The following CPS1 variants were observed in gnomAD, a reference collection of about 807,000 sequenced individuals.
CPS1 encodes carbamoyl-phosphate synthase 1.
Under a neutral mutation model 174.6 loss-of-function variants are expected in CPS1, and 109 were observed. That is an observed-to-expected ratio of 0.62 (90% CI 0.53 to 0.73). The LOEUF is 0.73. CPS1 is among the 30% of genes least tolerant of loss of function. CPS1 has a pLI of 0.00. For synonymous variants in CPS1, 637 were observed against 632.0 expected (o/e 1.01, Z -0.12); for missense variants, 1,689 against 1,821.9 (o/e 0.93, Z 1.33).
intron 31 of CPS1, 35 bp downstream of exon 31, chr2:210,658,723 C>T (rs1700807952): frequency 6.9e-7 from 1 of 1,443,038 alleles, no homozygotes; most frequent in Non-Finnish European, 9.8e-7. Flanking sequence ...AGGACACCAC[C>T]ACTGTGTTAC....
intron 1 of CPS1, among the ~76,000 whole-genome samples, chr2:210,541,752 G>C (rs1002034296): frequency 6.6e-6 from 1 of 152,132 alleles, no homozygotes; most frequent in African/African-American, 2.4e-5. Flanking sequence ...ATTTCACTTA[G>C]TACACTTTAC....
At chr2:210,613,388 T>C (rs535654168) in intron 20 of CPS1, among the ~76,000 whole-genome samples, 1 of 152,082 alleles carries the variant, frequency 6.6e-6, no homozygotes, top group South Asian at 2.1e-4. Flanking sequence ...GTTGCTATTA[T>C]CTCTTGATGG....
At position 210,600,662 on chromosome 2, in the gene CPS1, A is replaced by G. The variant is rs758522010; in HGVS notation, c.1657A>G (p.Lys553Glu). The change falls in exon 15 of 38, where the codon AAA becomes GAA. Residue 553 changes from lysine to glutamate, a missense_variant. Transcript: ENST00000233072. ...GGAAGACAGGCAGCTGTTTTCAGATAAACTAAATGAGATCAATGAAAAGAT... is the reference window on the plus strand; with the variant it reads ...GGAAGACAGGCAGCTGTTTTCAGATGAACTAAATGAGATCAATGAAAAGAT... ...ATEDRQLFSD[K>E]LNEINEKIAP... The G allele has an allele frequency of 6.2e-7, 1 of 1,612,288 alleles. No homozygotes were observed. Among genetic ancestry groups the G allele is most frequent in the African/African-American group, 1.3e-5 (1 of 74,910 alleles).
Position 210,675,643 on chromosome 2 carries a change from T to C in CPS1, c.4162-85T>C, listed in dbSNP as rs562324952. 6.5e-6 allele frequency: 5 copies of C among 769,218 alleles called. No homozygotes were observed. In the African/African-American group the frequency reaches 8.5e-5, roughly 13 times the overall value. The allele number at this position is 769,218 out of a possible 1,614,324, so 47.6% of individuals were successfully genotyped here. A position where few individuals can be genotyped will look rare whatever the true frequency, so the allele number is the denominator to read the frequency against. ...ACTACTTCTCATGTTCAGCAATTTC[T>C]TCTTCTTTATGTTTTAAATTACATG... is the stretch of plus-strand genomic sequence containing the variant. On this transcript the variant is annotated intron_variant, in intron 35 of 37. Coordinates refer to ENST00000233072, the MANE Select transcript of CPS1 (RefSeq NM_001875.5).
intron 1 of CPS1, among the ~76,000 whole-genome samples, chr2:210,491,425 T>A (rs1487980608): frequency 1.4e-5 from 2 of 147,990 alleles, no homozygotes; most frequent in Non-Finnish European, 3.0e-5. Flanking sequence ...GTGATTCTCC[T>A]GTCTCAGCCT....
chr2:210,578,142 CT>C (rs1697776203), intron 4 of CPS1, among the ~76,000 whole-genome samples: 4 of 152,070 alleles, frequency 2.6e-5, no homozygotes, highest in Admixed American at 2.6e-4. Flanking sequence ...GACTTTCACT[CT>C]TGTTGCCCAG....
At chr2:210,620,948 T>C (rs1374139914) in intron 21 of CPS1, among the ~76,000 whole-genome samples, 1 of 152,110 alleles carries the variant, frequency 6.6e-6, no homozygotes, top group Non-Finnish European at 1.5e-5. Flanking sequence ...CTCAGTATGC[T>C]GTCTCTAATA....
intron 17 of CPS1, 38 bp from the exon 18 acceptor site, chr2:210,606,693 A>G (rs1461577144): frequency 6.3e-7 from 1 of 1,593,516 alleles, no homozygotes; most frequent in Non-Finnish European, 8.6e-7. Flanking sequence ...GGTTATTTCA[A>G]TATGCCACCA....
chr2:210,530,795 A>G (rs1254732347), intron 1 of CPS1, among the ~76,000 whole-genome samples: 2 of 151,808 alleles, frequency 1.3e-5, no homozygotes, highest in African/African-American at 2.4e-5. Context: ...CTACTTCAGG[A>G]TCAACTGGAG....
chr2:210,637,161 G>T (rs901050712), intron 21 of CPS1, among the ~76,000 whole-genome samples: 1 of 152,136 alleles, frequency 6.6e-6, no homozygotes, highest in Non-Finnish European at 1.5e-5. Flanking sequence ...AATTTAGAGA[G>T]GGAGAGAGGG....
chr2:210,502,458 TATAG>T (rs914724013), intron 1 of CPS1, among the ~76,000 whole-genome samples: 23 of 90,358 alleles, frequency 2.5e-4, no homozygotes, highest in African/African-American at 5.2e-4. Flanking sequence ...ATGAGATACA[TATAG>T]ATATATATAT....
intron 33 of CPS1, among the ~76,000 whole-genome samples, chr2:210,667,055 T>C (rs1701126319): frequency 2.6e-5 from 4 of 152,338 alleles, no homozygotes; most frequent in Admixed American, 2.6e-4. Flanking sequence ...CCCTTGTAAG[T>C]TGGATTCCTA....
Position 210,566,278 on chromosome 2 carries a change from G to T in CPS1, c.127-7020G>T, listed in dbSNP as rs75230935. Among the ~76,000 whole-genome samples the T allele has an allele frequency of 2.6e-5, 4 of 152,244 alleles. No individual in the cohort carries two copies. The East Asian group carries it at 7.7e-4, about 29-fold the overall frequency. On this transcript the variant is annotated intron_variant, in intron 1 of 37. Transcript: ENST00000233072. The stretch of plus-strand genomic sequence containing the variant: ...ATCCTCCATCACTGGGGAAAAGGGA[G>T]GGGGGACTGAGAGGTGGATCTCCTT...
At chr2:210,506,432 GA>G (rs573438741) in intron 1 of CPS1, among the ~76,000 whole-genome samples, 2 of 152,024 alleles carry the variant, frequency 1.3e-5, no homozygotes, top group African/African-American at 2.4e-5. Context: ...CAAAGATGGG[GA>G]AAAAACAGAG....
At chr2:210,615,413 A>G (rs1468580796) in intron 20 of CPS1, among the ~76,000 whole-genome samples, 1 of 151,966 alleles carries the variant, frequency 6.6e-6, no homozygotes, top group Non-Finnish European at 1.5e-5. Context: ...AATTATAATC[A>G]TGGTCTCTCT....
At chr2:210,494,585 T>C (rs1209586129) in intron 1 of CPS1, among the ~76,000 whole-genome samples, 1 of 152,200 alleles carries the variant, frequency 6.6e-6, no homozygotes, top group East Asian at 1.9e-4. Context: ...ACACCTATCC[T>C]GTGTGAGCAC....
chr2:210,650,484 T>G, intron 28 of CPS1, 46 bp downstream of exon 28: 1 of 1,269,994 alleles, frequency 7.9e-7, no homozygotes, highest in East Asian at 2.3e-5. Flanking sequence ...TTAATAAACA[T>G]GTAGTGACAT....
intron 1 of CPS1, among the ~76,000 whole-genome samples, chr2:210,517,353 G>A (rs887741267): frequency 4.6e-5 from 7 of 151,950 alleles, no homozygotes; most frequent in Non-Finnish European, 7.4e-5. Context: ...AGAAGTCCAC[G>A]GCGTGCTCAT....
rs139043685 is a variant in CPS1, at chr2:210,590,178, G to A, written c.784G>A (p.Ala262Thr). 116 of 1,612,872 alleles carry A rather than the reference G, an allele frequency of 7.2e-5. No homozygotes were observed. Among genetic ancestry groups the A allele is most frequent in the Middle Eastern group, 1.7e-4 (1 of 6,050 alleles). The stretch of plus-strand genomic sequence containing the variant: ...GATGGAGTATGATGGGATTTTGATC[G>A]CGGGAGGACCGGGGAACCCAGCTCT... ...TKMEYDGILI[A>T]GGPGNPALAE... Residue 262 changes from alanine (A) to threonine (T), a missense_variant, in exon 8 of 38, where the codon GCG becomes ACG. Coordinates refer to ENST00000233072, the MANE Select transcript of CPS1 (RefSeq NM_001875.5).
Sources: allele counts gnomAD v4.1 joint callset (sites outside exome capture counted in the v4.1 genomes callset), GRCh38; gene constraint gnomAD v4.1.1; transcripts MANE v1.5; gene names NCBI Gene and HGNC (gene_info 2026-07-23, HGNC 2026-07-21).